MYH9: variants seen among roughly 807,000 people sequenced by gnomAD.
MYH9 encodes myosin-9.
A neutral mutation model predicts 241.9 loss-of-function variants in MYH9; 29 were observed. The observed-to-expected ratio is 0.12, with a 90% CI of 0.09 to 0.16. The LOEUF is 0.16. Ranked by LOEUF, MYH9 falls within the 10% of genes least tolerant of loss-of-function variation. MYH9 has a pLI of 1.00. For synonymous variants in MYH9, 1,047 were observed against 1,062.6 expected, an observed-to-expected ratio of 0.99 and a Z score of 0.29; for missense variants, 1,803 against 2,595.5, an observed-to-expected ratio of 0.69 and a Z score of 6.63.
At position 36,301,499 on chromosome 22, in the gene MYH9, C is replaced by A. The variant is rs574087716; in HGVS notation, c.2631+35G>T. 1.9e-6 allele frequency: 3 copies of A among 1,610,906 alleles called. No homozygotes were observed. The African/African-American group carries it at 4.0e-5, about 21-fold the overall frequency. On this transcript the variant is annotated intron_variant, in intron 21 of 40. Coordinates refer to ENST00000216181, the MANE Select transcript of MYH9 (RefSeq NM_002473.6). ...CAGCAGGTGGCAGCACCAGGCAGGTCGTGCGACCTGGACTGAGCCTGCACT... is the reference window on the plus strand; with the variant it reads ...CAGCAGGTGGCAGCACCAGGCAGGTAGTGCGACCTGGACTGAGCCTGCACT...
chr22:36,350,596 A>G (rs2017749925), intron 1 of MYH9, among the ~76,000 whole-genome samples: 1 of 152,266 alleles, frequency 6.6e-6, no homozygotes, highest in African/African-American at 2.4e-5. Context: ...TAGTTTATGA[A>G]ATGCTTTCAC....
chr22:36,361,717 T>C (rs577775343), intron 1 of MYH9, among the ~76,000 whole-genome samples: 2 of 152,194 alleles, frequency 1.3e-5, no homozygotes, highest in African/African-American at 4.8e-5. Flanking sequence ...CATTTAGGAA[T>C]GTGGACTTTA....
chr22:36,282,193 C>A lies in MYH9; in HGVS notation c.*475G>T. On this transcript the variant is annotated 3_prime_UTR_variant, in exon 41 of 41. Transcript: ENST00000216181. ...GGGGCAGAGGTGTGTGAGGTCACCA[C>A]GTGTGATTGCAAACAGCAAAGAAAG... The A allele has an allele frequency of 2.9e-6, 1 of 340,530 alleles. No individual in the cohort carries two copies. The highest frequency in any genetic ancestry group is 4.5e-5 in the Admixed American group (1 of 22,460). The allele number at this position is 340,530 out of a possible 1,614,324, so 21.1% of individuals were successfully genotyped here.
chr22:36,288,477 G>C lies in MYH9; in HGVS notation c.4771-64C>G. 6.3e-7 allele frequency: 1 copy of C among 1,592,930 alleles called. No homozygotes were observed. Among genetic ancestry groups the C allele is most frequent in the East Asian group, 2.2e-5 (1 of 44,792 alleles). On this transcript the variant is annotated intron_variant, in intron 33 of 40. Transcript: ENST00000216181. The surrounding 1 kb of genome is among the most constrained non-coding windows in gnomAD (Gnocchi z 4.8). ...CACTGGGAGACCCTGCCCTAGCTCT[G>C]AACTCAGGAGCCTCAGGCCAGTTCT...
chr22:36,294,835 T>TAGA, intron 27 of MYH9, 97 bp downstream of exon 27: 1 of 1,549,896 alleles, frequency 6.5e-7, no homozygotes. Context: ...GGCAGTTGGG[T>TAGA]AGAACCCTGC....
At chr22:36,370,446 T>C (rs2018072336) in intron 1 of MYH9, among the ~76,000 whole-genome samples, 1 of 152,164 alleles carries the variant, frequency 6.6e-6, no homozygotes, top group Non-Finnish European at 1.5e-5. Flanking sequence ...ACAAGGCCTC[T>C]AAAAGGGGAA....
intron 12 of MYH9, among the ~76,000 whole-genome samples, chr22:36,315,798 G>C (rs2017140556): frequency 6.6e-6 from 1 of 151,728 alleles, no homozygotes; most frequent in African/African-American, 2.4e-5. Flanking sequence ...CAGCATTTCT[G>C]GTTGAAAATG....
intron 3 of MYH9, among the ~76,000 whole-genome samples, chr22:36,334,496 C>T (rs2017468083): frequency 6.6e-6 from 1 of 152,232 alleles, no homozygotes; most frequent in South Asian, 2.1e-4. Context: ...CCAGATAAGC[C>T]AGGACCGCGT....
In MYH9 at chr22:36,286,823, G is replaced by A. The variant is rs148632964; in HGVS notation, c.4956C>T (p.Arg1652=). 2.3e-4 allele frequency: 375 copies of A among 1,610,012 alleles called. 5 individuals carry two copies. The highest frequency in any genetic ancestry group is 2.1e-3 in the South Asian group (191 of 91,090). ...GAGAGGCGCGGGTGTCATCCAGCTC[G>A]CGCATGCAGTCCTTCATCTGGGCCT... The part of the protein sequence containing the change: ...KLQAQMKDCM[R]ELDDTRASRE... Residue 1652 remains arginine (R), a synonymous_variant, in exon 35 of 41, where the codon CGC becomes CGT. Coordinates refer to ENST00000216181, the MANE Select transcript of MYH9 (RefSeq NM_002473.6).
In MYH9 at chr22:36,309,472, C is replaced by T. The variant is rs539493372; in HGVS notation, c.1729-76G>A. ...GCTCACAGGGTCTCCGGAGCACAGG[C>T]TAACCCCATGCATGGAAAAGTCAGA... On this transcript the variant is annotated intron_variant, in intron 14 of 40. Transcript: ENST00000216181. 2.9e-5 allele frequency: 32 copies of T among 1,110,610 alleles called. No homozygotes were observed. The South Asian group carries it at 3.8e-4, about 13-fold the overall frequency. 68.8% of individuals were successfully genotyped at this position (1,110,610 alleles called of 1,614,324 possible).
intron 24 of MYH9, among the ~76,000 whole-genome samples, chr22:36,298,176 G>A (rs955203485): frequency 1.3e-5 from 2 of 152,246 alleles, no homozygotes; most frequent in South Asian, 2.1e-4. Context: ...TAATCCTCCC[G>A]GTGGTCAGGT....
In MYH9 at chr22:36,320,255, A is replaced by G; in HGVS notation, c.977T>C (p.Met326Thr). 6.2e-7 allele frequency: 1 copy of G among 1,614,210 alleles called. No homozygotes were observed. Residue 326 changes from methionine (M) to threonine (T), a missense_variant, in exon 9 of 41, where the codon ATG becomes ACG. Coordinates refer to ENST00000216181, the MANE Select transcript of MYH9 (RefSeq NM_002473.6). This position sits in a 1 kb window ranked among gnomAD's most constrained non-coding sequence, Gnocchi z 4.8. Reference sequence around the variant, plus strand: ...CTCTTCTGGGATGCCCATAATCCTCATGGCCTCCATGGTCTCCTGGAACAT... The same window carrying G: ...CTCTTCTGGGATGCCCATAATCCTCGTGGCCTCCATGGTCTCCTGGAACAT... ...KDMFQETMEA[M>T]RIMGIPEEEQ...
chr22:36,317,364 T>C (rs1287484716), intron 11 of MYH9, among the ~76,000 whole-genome samples: 1 of 152,188 alleles, frequency 6.6e-6, no homozygotes, highest in African/African-American at 2.4e-5. Context: ...TCACTGGGAA[T>C]TGTTTTCCTT....
In MYH9 at chr22:36,349,062, C is replaced by T; in HGVS notation, c.175G>A (p.Val59Met). The T allele has an allele frequency of 6.2e-7, 1 of 1,614,258 alleles. No individual in the cohort carries two copies. Among genetic ancestry groups the T allele is most frequent in the Non-Finnish European group, 8.5e-7 (1 of 1,180,056 alleles). The change falls in exon 2 of 41, where the codon GTG becomes ATG. Residue 59 changes from valine to methionine, a missense_variant. By Grantham distance (21) the Val-to-Met change is conservative. Transcript: ENST00000216181. ...ACCTTCACCTTCTTCCCATTCTCCA[C>T]CAGCTCCACGATGGCCTCTTCGCCC... ...EVGEEAIVEL[V>M]ENGKKVKVNK...
chr22:36,290,682 C>T (rs1569534859), intron 31 of MYH9, among the ~76,000 whole-genome samples: 4 of 150,826 alleles, frequency 2.7e-5, no homozygotes, highest in Admixed American at 1.3e-4. Context: ...GCCCGGCCGC[C>T]ATCCCATCTA....
Position 36,321,675 on chromosome 22 carries a change from A to G in MYH9, c.769+83T>C. The G allele has an allele frequency of 9.3e-6, 12 of 1,294,258 alleles. 1 individual carries two copies. In the Middle Eastern group the frequency reaches 2.0e-3, roughly 218 times the overall value. The allele number at this position is 1,294,258 out of a possible 1,614,324, so 80.2% of individuals were successfully genotyped here. ...GGGCCCATAAAGGGGAAAGTGCTGG[A>G]ATCAGGAGGCAGCTTCTTCTCTACA... On this transcript the variant is annotated intron_variant, in intron 7 of 40. Transcript: ENST00000216181.
At chr22:36,379,862 C>T (rs1403048363) in intron 1 of MYH9, among the ~76,000 whole-genome samples, 1 of 152,210 alleles carries the variant, frequency 6.6e-6, no homozygotes, top group Non-Finnish European at 1.5e-5. Context: ...GGACACCTGC[C>T]CGGGTGCTGA....
intron 3 of MYH9, among the ~76,000 whole-genome samples, chr22:36,328,688 G>C (rs530295754): frequency 6.6e-6 from 1 of 152,228 alleles, no homozygotes; most frequent in African/African-American, 2.4e-5. Context: ...ACGCGACGTC[G>C]CCACGATGGG....
At position 36,284,140 on chromosome 22, in the gene MYH9, C is replaced by T. The variant is rs727504711; in HGVS notation, c.5718G>A (p.Thr1906=). The change falls in exon 40 of 41, where the codon ACG becomes ACA. Residue 1906 remains threonine (T), a synonymous_variant. Transcript: ENST00000216181. The stretch of plus-strand genomic sequence containing the variant: ...TGACTTCGCGGTTCATGGCATCGGC[C>T]GTCTCAGTGGCGTCCTCCAGCTCGC... The part of the protein sequence containing the change: ...LQRELEDATE[T]ADAMNREVSS... 20 of 1,614,182 alleles carry T rather than the reference C, an allele frequency of 1.2e-5. No individual in the cohort carries two copies. The highest frequency in any genetic ancestry group is 2.2e-5 in the East Asian group (1 of 44,878).
Sources: gnomAD v4.1 joint callset for allele counts (sites outside exome capture counted in the v4.1 genomes callset) on GRCh38, gnomAD v4.1.1 for gene constraint, Gnocchi (gnomAD v3.1) non-coding constraint, MANE v1.5 for transcripts, NCBI Gene and HGNC (gene_info 2026-07-23, HGNC 2026-07-21) for gene names.